Variants in HMCN1 observed in about 807,000 individuals in gnomAD.
The protein encoded by HMCN1 is hemicentin-1.
Under a neutral mutation model 625.9 loss-of-function variants are expected in HMCN1, and 321 were observed. The observed-to-expected ratio is 0.51, with a 90% CI of 0.47 to 0.56. The LOEUF (loss-of-function observed/expected upper bound fraction) is 0.56. HMCN1 is among the 20% of genes least tolerant of loss of function. The pLI, the probability that HMCN1 is intolerant of heterozygous loss-of-function variation, is 0.00. For synonymous variants in HMCN1, 2,425 were observed against 2,417.6 expected, an observed-to-expected ratio of 1.00 and a Z score of -0.09; for missense variants, 6,588 against 6,887.3, an observed-to-expected ratio of 0.96 and a Z score of 1.54.
chr1:186,184,622 G>A (rs961513318), intron 105 of HMCN1, among the ~76,000 whole-genome samples: 2 of 152,018 alleles, frequency 1.3e-5, no homozygotes, highest in Non-Finnish European at 2.9e-5. Flanking sequence ...TTATTCATCC[G>A]TGTTTTAAAA....
At chr1:185,798,781 G>C (rs1658577238) in intron 1 of HMCN1, among the ~76,000 whole-genome samples, 1 of 151,742 alleles carries the variant, frequency 6.6e-6, no homozygotes, top group Non-Finnish European at 1.5e-5. Flanking sequence ...CATGTTCTAA[G>C]TTGTTCTTTT....
chr1:186,189,387 G>T (rs1031607952), intron 106 of HMCN1, 125 bp from the exon 107 acceptor site: 2 of 971,186 alleles, frequency 2.1e-6, no homozygotes, highest in South Asian at 2.7e-5. Context: ...GAGTCTTACC[G>T]CTTTTACAGC....
intron 4 of HMCN1, among the ~76,000 whole-genome samples, chr1:185,904,471 C>T (rs1665985834): frequency 6.6e-6 from 1 of 151,736 alleles, no homozygotes; most frequent in African/African-American, 2.4e-5. Context: ...TAAAAATATA[C>T]AGCTAATCTA....
intron 68 of HMCN1, among the ~76,000 whole-genome samples, chr1:186,101,545 T>C (rs1049090628): frequency 9.9e-5 from 15 of 152,074 alleles, no homozygotes; most frequent in African/African-American, 3.4e-4. Flanking sequence ...TCTGGAGTTA[T>C]TGGAGTATAG....
At chr1:185,964,731 C>T (rs963108438) in intron 13 of HMCN1, among the ~76,000 whole-genome samples, 1 of 151,868 alleles carries the variant, frequency 6.6e-6, no homozygotes, top group Non-Finnish European at 1.5e-5. Context: ...CTAATTCAGA[C>T]GGAGGAATTA....
At chr1:185,912,569 A>G (rs10465499) in intron 6 of HMCN1, among the ~76,000 whole-genome samples, 2,324 of 151,932 alleles carry the variant, frequency 0.015, 76 homozygotes, top group African/African-American at 0.053. Flanking sequence ...TGACTTGCCC[A>G]TATTTCTCAG....
At position 186,153,202 on chromosome 1, in the gene HMCN1, C is replaced by T. The variant is rs576103709; in HGVS notation, c.15018+331C>T. Reference sequence around the variant, plus strand: ...AAATATTTCAGAAATTAAAGGATAACAATCGCCCTTTCACATCTTTGTTTA... The same window carrying T: ...AAATATTTCAGAAATTAAAGGATAATAATCGCCCTTTCACATCTTTGTTTA... On this transcript the variant is annotated intron_variant, in intron 96 of 106. Transcript: ENST00000271588. Among the ~76,000 whole-genome samples, 13 of 152,248 alleles carry T rather than the reference C, an allele frequency of 8.5e-5. No individual in the cohort carries two copies. In the East Asian group the frequency reaches 2.3e-3, roughly 27 times the overall value.
At chr1:185,873,244 A>G (rs566217013) in intron 4 of HMCN1, among the ~76,000 whole-genome samples, 1 of 152,284 alleles carries the variant, frequency 6.6e-6, no homozygotes, top group South Asian at 2.1e-4. Flanking sequence ...CTGGGTTTGT[A>G]AAAATCTTAA....
In HMCN1 at chr1:185,992,867, A is replaced by G. The variant is rs545311614; in HGVS notation, c.3378-315A>G. 4.6e-5 allele frequency among the ~76,000 whole-genome samples: 7 copies of G among 152,304 alleles called. No individual in the cohort carries two copies. The East Asian group carries it at 1.3e-3, about 29-fold the overall frequency. ...CTTTAACATTGTAGAAAATAATAATAAAACGTTCAAAATAAATACAAAGTT... is the reference window on the plus strand; with the variant it reads ...CTTTAACATTGTAGAAAATAATAATGAAACGTTCAAAATAAATACAAAGTT... On this transcript the variant is annotated intron_variant, in intron 22 of 106. Transcript: ENST00000271588.
chr1:185,927,227 A>G (rs1667323461), intron 9 of HMCN1, among the ~76,000 whole-genome samples: 1 of 152,222 alleles, frequency 6.6e-6, no homozygotes, highest in African/African-American at 2.4e-5. Flanking sequence ...AGATGTATGT[A>G]TTCCAAACCC....
At chr1:186,172,553 CAAATA>C (rs758977162) in intron 102 of HMCN1, among the ~76,000 whole-genome samples, 13 of 152,154 alleles carry the variant, frequency 8.5e-5, no homozygotes, top group South Asian at 8.3e-4. Flanking sequence ...CATGACCAGA[CAAATA>C]AAATAAATAA....
chr1:185,865,627 ACACATT>A, intron 3 of HMCN1, 108 bp from the exon 4 acceptor site: 1 of 752,874 alleles, frequency 1.3e-6, no homozygotes, highest in Non-Finnish European at 2.2e-6. Flanking sequence ...ACACACACAC[ACACATT>A]CACATATTCT....
chr1:185,817,043 A>T lies in HMCN1; in HGVS notation c.269-28983A>T, dbSNP rs74135357. Among the ~76,000 whole-genome samples, 1,486 of 152,280 alleles carry T rather than the reference A, an allele frequency of 9.8e-3. 25 individuals are homozygous for T. The highest frequency in any genetic ancestry group is 0.033 in the African/African-American group (1,351 of 41,562). ...GGCACATAGTGGAAGCTCAGTAAAT[A>T]TTTGCAAGTAAATACTAATGAGTTT... On this transcript the variant is annotated intron_variant, in intron 1 of 106. Coordinates refer to ENST00000271588, the MANE Select transcript of HMCN1 (RefSeq NM_031935.3).
At chr1:185,947,321 G>A (rs1490041092) in intron 11 of HMCN1, among the ~76,000 whole-genome samples, 1 of 152,028 alleles carries the variant, frequency 6.6e-6, no homozygotes, top group Non-Finnish European at 1.5e-5. Flanking sequence ...TATGGCTAGT[G>A]TACCCAAGGA....
intron 6 of HMCN1, 142 bp from the exon 7 acceptor site, chr1:185,922,237 T>A (rs780130357): frequency 1.1e-6 from 1 of 892,466 alleles, no homozygotes; most frequent in Non-Finnish European, 1.9e-6. Context: ...ATCCTAGTTA[T>A]GTTGAGAACA....
intron 1 of HMCN1, among the ~76,000 whole-genome samples, chr1:185,787,275 G>C (rs1268586429): frequency 1.3e-5 from 2 of 152,024 alleles, no homozygotes; most frequent in Non-Finnish European, 2.9e-5. Context: ...AGAAGAATTA[G>C]ATTAAGGCTG....
In HMCN1 at chr1:186,037,833, AAAAG is replaced by A. The variant is rs1655937398; in HGVS notation, c.5750-98_5750-95del. The A allele has an allele frequency of 5.3e-6, 4 of 759,092 alleles. No homozygotes were observed. The Admixed American group carries it at 5.9e-5, about 11-fold the overall frequency. 47.0% of individuals were successfully genotyped at this position (759,092 alleles called of 1,614,324 possible). ...AATAGGTCAGTGTATATATGTGAAA[AAAAG>A]AAGAGAGGAAGAAAAATTATAATTT... is the stretch of plus-strand genomic sequence containing the variant. On this transcript the variant is annotated intron_variant, in intron 36 of 106. Transcript: ENST00000271588.
intron 97 of HMCN1, among the ~76,000 whole-genome samples, chr1:186,159,301 A>G (rs1170786527): frequency 6.6e-6 from 1 of 152,242 alleles, no homozygotes; most frequent in Admixed American, 6.5e-5. Flanking sequence ...GTTGCTTATC[A>G]GCTTAAGAAG....
intron 1 of HMCN1, among the ~76,000 whole-genome samples, chr1:185,820,387 G>C (rs763157817): frequency 6.6e-6 from 1 of 151,968 alleles, no homozygotes; most frequent in Non-Finnish European, 1.5e-5. Context: ...ATTACCTAAG[G>C]CGTTCCTCAT....
Sources: allele counts gnomAD v4.1 joint callset (sites outside exome capture counted in the v4.1 genomes callset), GRCh38; gene constraint gnomAD v4.1.1; transcripts MANE v1.5; gene names NCBI Gene and HGNC (gene_info 2026-07-23, HGNC 2026-07-21).